The following ATG4C variants were observed in gnomAD, a reference collection of about 807,000 sequenced individuals.
ATG4C encodes the protein cysteine protease ATG4C.
In ATG4C, 56 loss-of-function variants were observed where a neutral mutation model predicts 57.6. The observed-to-expected ratio is 0.97, with a 90% CI of 0.78 to 1.21. The LOEUF (loss-of-function observed/expected upper bound fraction) is 1.21. ATG4C is among the 50% of genes most tolerant of loss of function. The pLI is 0.00. For missense variants in ATG4C, 595 were observed against 529.8 expected, an observed-to-expected ratio of 1.12 and a Z score of -1.21; for synonymous variants, 157 against 174.1, an observed-to-expected ratio of 0.90 and a Z score of 0.78.
At chr1:62,823,306 CT>C (rs1379398493) in intron 6 of ATG4C, among the ~76,000 whole-genome samples, 7 of 152,176 alleles carry the variant, frequency 4.6e-5, no homozygotes, top group African/African-American at 1.7e-4. Flanking sequence ...ACCCCTTTTT[CT>C]TCCTATTTTC....
Position 62,819,159 on chromosome 1 carries a change from G to T in ATG4C, c.549G>T (p.Gly183=), listed in dbSNP as rs17123872. ...TPTISLKETI[G]KYSDDHEMRN... ...CAATTTCTCTGAAGGAAACAATTGG[G>T]AAATATTCTGATGATCATGAAATGC... The change falls in exon 5 of 11, where the codon GGG becomes GGT. Residue 183 remains glycine, a synonymous_variant. Transcript: ENST00000317868. The T allele has an allele frequency of 4.3e-6, 7 of 1,613,254 alleles. No homozygotes were observed. In the African/African-American group the frequency reaches 8.0e-5, roughly 18 times the overall value.
intron 1 of ATG4C, among the ~76,000 whole-genome samples, chr1:62,795,964 C>T (rs1311774476): frequency 2.6e-5 from 4 of 151,998 alleles, no homozygotes; most frequent in Non-Finnish European, 5.9e-5. Flanking sequence ...GACTGAGAAT[C>T]TAATGACACC....
At chr1:62,839,767 TTAGC>T (rs1193000766) in intron 9 of ATG4C, among the ~76,000 whole-genome samples, 5 of 152,238 alleles carry the variant, frequency 3.3e-5, no homozygotes, top group African/African-American at 1.2e-4. Context: ...AGGTTCCAGT[TTAGC>T]TAGGTTGAAT....
intron 10 of ATG4C, among the ~76,000 whole-genome samples, chr1:62,847,261 A>C (rs983887393): frequency 4.6e-5 from 7 of 152,188 alleles, no homozygotes; most frequent in African/African-American, 1.4e-4. Context: ...AAGCACTGAC[A>C]TATCCTAAAG....
intron 10 of ATG4C, among the ~76,000 whole-genome samples, chr1:62,842,415 C>T (rs549546043): frequency 6.6e-6 from 1 of 151,394 alleles, no homozygotes; most frequent in East Asian, 2.0e-4. Context: ...AATTATCTTG[C>T]CTCAGCCTCC....
intron 6 of ATG4C, among the ~76,000 whole-genome samples, chr1:62,825,998 C>G (rs1402876951): frequency 6.6e-6 from 1 of 152,088 alleles, no homozygotes; most frequent in Non-Finnish European, 1.5e-5. Flanking sequence ...ACCTCTGCCT[C>G]CCAGGTTCAA....
chr1:62,787,705 T>A (rs996866984), intron 1 of ATG4C, among the ~76,000 whole-genome samples: 1 of 152,062 alleles, frequency 6.6e-6, no homozygotes, highest in South Asian at 2.1e-4. Flanking sequence ...GAAGAAGTTA[T>A]ACAGCTTTTC....
In ATG4C at chr1:62,864,016, A is replaced by T; in HGVS notation, c.1234A>T (p.Lys412Ter). The T allele has an allele frequency of 6.3e-7, 1 of 1,579,404 alleles. No individual in the cohort carries two copies. The highest frequency in any genetic ancestry group is 8.6e-7 in the Non-Finnish European group (1 of 1,167,662). The stretch of plus-strand genomic sequence containing the variant: ...GATGCTGAAATTTTCTTCTAAGGAG[A>T]AATATCCCTTATTTACTTTTGTAAA... ...TKMLKFSSKE[K>*]YPLFTFVNGH... The change falls in exon 11 of 11, where the codon AAA becomes TAA. Residue 412 changes from lysine to a stop codon, truncating the protein, a stop_gained. Coordinates refer to ENST00000317868, the MANE Select transcript of ATG4C (RefSeq NM_032852.4). LOFTEE classifies it high-confidence loss of function.
chr1:62,849,607 A>G (rs898713244), intron 10 of ATG4C, among the ~76,000 whole-genome samples: 1 of 151,238 alleles, frequency 6.6e-6, no homozygotes, highest in Non-Finnish European at 1.5e-5. Context: ...TGCCTCCCGG[A>G]TTCTAGTGAT....
At chr1:62,818,736 ATAGT>A (rs781635851) in intron 4 of ATG4C, among the ~76,000 whole-genome samples, 2 of 152,216 alleles carry the variant, frequency 1.3e-5, no homozygotes, top group South Asian at 2.1e-4. Flanking sequence ...GGTTCTTAGC[ATAGT>A]TATAGAGTTC....
chr1:62,803,868 T>A lies in ATG4C; in HGVS notation c.76+6T>A, dbSNP rs1210733857. The A allele has an allele frequency of 6.6e-7, 1 of 1,515,912 alleles. No homozygotes were observed. The allele number at this position is 1,515,912 out of a possible 1,614,324, so 93.9% of individuals were successfully genotyped here. The stretch of plus-strand genomic sequence containing the variant: ...TTGGAACAACATGAAATATAGTAAG[T>A]ATCATGTTTTAAAAATTGTATAAAT... On this transcript the variant is annotated splice_donor_region_variant and intron_variant, in intron 2 of 10. Transcript: ENST00000317868.
At chr1:62,837,012 A>T (rs557888873) in intron 9 of ATG4C, among the ~76,000 whole-genome samples, 187 of 152,276 alleles carry the variant, frequency 1.2e-3, no homozygotes, top group African/African-American at 4.3e-3. Flanking sequence ...TTTTGAAACC[A>T]AATCAGAGTA....
chr1:62,824,011 T>C (rs934084389), intron 6 of ATG4C, among the ~76,000 whole-genome samples: 2 of 152,192 alleles, frequency 1.3e-5, no homozygotes, highest in African/African-American at 4.8e-5. Flanking sequence ...GTTTGTTTCT[T>C]ATATATAATA....
intron 10 of ATG4C, among the ~76,000 whole-genome samples, chr1:62,860,755 T>G (rs1184330536): frequency 6.6e-6 from 1 of 152,224 alleles, no homozygotes; most frequent in Non-Finnish European, 1.5e-5. Context: ...AACCCCTACA[T>G]AGGGTATAGC....
At chr1:62,833,077 G>A (rs927339681) in intron 7 of ATG4C, among the ~76,000 whole-genome samples, 9 of 152,198 alleles carry the variant, frequency 5.9e-5, no homozygotes, top group African/African-American at 2.2e-4. Context: ...TGTATTTCCT[G>A]TATGTGTGTG....
intron 1 of ATG4C, among the ~76,000 whole-genome samples, chr1:62,799,175 C>T (rs1355024572): frequency 2.0e-5 from 3 of 152,156 alleles, no homozygotes; most frequent in Non-Finnish European, 4.4e-5. Context: ...CTTCAGCCTC[C>T]CAAAGTGTGG....
At chr1:62,800,578 T>C (rs1055808338) in intron 1 of ATG4C, among the ~76,000 whole-genome samples, 3 of 152,216 alleles carry the variant, frequency 2.0e-5, no homozygotes, top group African/African-American at 4.8e-5. Context: ...TTTTATAAAC[T>C]CTTTTCCTTT....
At chr1:62,810,131 A>ACC (rs1665029032) in intron 3 of ATG4C, among the ~76,000 whole-genome samples, 1 of 152,228 alleles carries the variant, frequency 6.6e-6, no homozygotes, top group Non-Finnish European at 1.5e-5. Flanking sequence ...TAGCTTTAAT[A>ACC]AAAAGTTGGA....
At chr1:62,817,716 C>CAT (rs938036216) in intron 4 of ATG4C, among the ~76,000 whole-genome samples, 7 of 151,998 alleles carry the variant, frequency 4.6e-5, no homozygotes, top group African/African-American at 1.7e-4. Context: ...ACTTAACTTA[C>CAT]ATATATATGT....
Sources: allele counts gnomAD v4.1 joint callset (sites outside exome capture counted in the v4.1 genomes callset), GRCh38; gene constraint gnomAD v4.1.1; transcripts MANE v1.5; gene names NCBI Gene and HGNC (gene_info 2026-07-23, HGNC 2026-07-21).